KAZN: variants seen among roughly 807,000 people sequenced by gnomAD.
KAZN encodes kazrin, periplakin interacting protein.
Under a neutral mutation model 87.4 loss-of-function variants are expected in KAZN, and 40 were observed. The observed-to-expected ratio is 0.46, with a 90% confidence interval of 0.36 to 0.60. KAZN has a LOEUF of 0.60. Ranked by LOEUF, KAZN falls within the 20% of genes least tolerant of loss-of-function variation. The pLI is 0.00. For missense variants in KAZN, 898 were observed against 1,073.9 expected (o/e 0.84, Z 2.29); for synonymous variants, 466 against 458.3 (o/e 1.02, Z -0.22).
Position 15,094,418 on chromosome 1 carries a change from C to A in KAZN, c.1428+33C>A. The A allele has an allele frequency of 6.3e-7, 1 of 1,576,476 alleles. No homozygotes were observed. Among genetic ancestry groups the A allele is most frequent in the Non-Finnish European group, 8.6e-7 (1 of 1,156,446 alleles). On this transcript the variant is annotated intron_variant, in intron 9 of 14. Transcript: ENST00000376030. This position sits in a 1 kb window ranked among gnomAD's most constrained non-coding sequence, Gnocchi z 4.5. ...ACTCCGGGCCCCCTATGGGATGCCACCCATGCCCTCTGTGAGCTTTACGTA... is the reference window on the plus strand; with the variant it reads ...ACTCCGGGCCCCCTATGGGATGCCAACCATGCCCTCTGTGAGCTTTACGTA...
chr1:14,400,602 G>T (rs1275848383), intron 2 of KAZN, among the ~76,000 whole-genome samples: 1 of 152,226 alleles, frequency 6.6e-6, no homozygotes, highest in Non-Finnish European at 1.5e-5. Context: ...CTATGCCAGG[G>T]ACTGCAACAG....
At chr1:14,569,250 A>T (rs1005808895) in intron 2 of KAZN, among the ~76,000 whole-genome samples, 4 of 151,586 alleles carry the variant, frequency 2.6e-5, no homozygotes, top group Non-Finnish European at 2.9e-5. Flanking sequence ...CCATACAAAA[A>T]TGTCTTGATG....
At chr1:15,033,364 A>G (rs1671928142) in intron 2 of KAZN, among the ~76,000 whole-genome samples, 1 of 152,246 alleles carries the variant, frequency 6.6e-6, no homozygotes, top group Admixed American at 6.5e-5. Flanking sequence ...GCTCTGATGA[A>G]TAATGCTATA....
At chr1:14,635,183 A>T (rs751797874) in intron 1 of KAZN, among the ~76,000 whole-genome samples, 3 of 152,154 alleles carry the variant, frequency 2.0e-5, no homozygotes, top group Non-Finnish European at 2.9e-5. Flanking sequence ...GGTGGAATGG[A>T]TTAGGGAGGT....
intron 1 of KAZN, among the ~76,000 whole-genome samples, chr1:14,729,705 T>C (rs1454619425): frequency 2.6e-5 from 4 of 152,110 alleles, no homozygotes; most frequent in African/African-American, 9.7e-5. Flanking sequence ...AAATGGAGAA[T>C]GAGAGAAAAA....
intron 1 of KAZN, among the ~76,000 whole-genome samples, chr1:14,101,434 A>G (rs927822825): frequency 5.3e-5 from 8 of 152,252 alleles, no homozygotes; most frequent in Non-Finnish European, 1.2e-4. Context: ...GTGATAAAAC[A>G]GCAATAAAGT....
chr1:15,069,309 T>C (rs1402965556), intron 8 of KAZN, among the ~76,000 whole-genome samples: 1 of 152,138 alleles, frequency 6.6e-6, no homozygotes, highest in Non-Finnish European at 1.5e-5. Context: ...CATACAAGGA[T>C]AAAGCCTTTT....
intron 2 of KAZN, among the ~76,000 whole-genome samples, chr1:14,559,779 T>C (rs1440078598): frequency 6.6e-6 from 1 of 152,142 alleles, no homozygotes; most frequent in Non-Finnish European, 1.5e-5. Context: ...TCAAAAGACC[T>C]GAAACCAAGT....
At chr1:14,993,555 C>A (rs1403227163) in intron 2 of KAZN, among the ~76,000 whole-genome samples, 2 of 152,176 alleles carry the variant, frequency 1.3e-5, no homozygotes, top group African/African-American at 2.4e-5. Context: ...GTCTGCAGAC[C>A]TGGTCCCAGC....
At chr1:14,623,125 T>C (rs1678845622) in intron 1 of KAZN, among the ~76,000 whole-genome samples, 1 of 152,200 alleles carries the variant, frequency 6.6e-6, no homozygotes, top group Admixed American at 6.5e-5. Context: ...TATATTGGTA[T>C]ATACCCAAAG....
At chr1:14,660,481 G>A (rs903096374) in intron 1 of KAZN, among the ~76,000 whole-genome samples, 1 of 150,960 alleles carries the variant, frequency 6.6e-6, no homozygotes, top group Admixed American at 6.6e-5. Flanking sequence ...TGCACCCATC[G>A]GAGTTCTTAA....
intron 1 of KAZN, among the ~76,000 whole-genome samples, chr1:14,666,967 G>A (rs1487671433): frequency 1.3e-5 from 2 of 152,068 alleles, no homozygotes; most frequent in Admixed American, 6.6e-5. Flanking sequence ...ATCTCTTGAC[G>A]TCGTGATCCG....
intron 1 of KAZN, among the ~76,000 whole-genome samples, chr1:14,666,799 A>T (rs1353412116): frequency 6.6e-6 from 1 of 152,060 alleles, no homozygotes; most frequent in South Asian, 2.1e-4. Context: ...GTGCAGTGGC[A>T]TGGTCTTGAC....
At chr1:14,431,778 T>G (rs1341699915) in intron 2 of KAZN, among the ~76,000 whole-genome samples, 1 of 152,206 alleles carries the variant, frequency 6.6e-6, no homozygotes. Flanking sequence ...CTTGCACCAG[T>G]GGCCTCCAGG....
intron 2 of KAZN, among the ~76,000 whole-genome samples, chr1:14,394,995 A>G (rs1362592614): frequency 6.6e-6 from 1 of 152,166 alleles, no homozygotes; most frequent in African/African-American, 2.4e-5. Flanking sequence ...CTTTGAAGGC[A>G]AAGACTGCCT....
intron 2 of KAZN, among the ~76,000 whole-genome samples, chr1:14,275,476 G>C (rs1652278386): frequency 6.9e-6 from 1 of 144,836 alleles, no homozygotes; most frequent in African/African-American, 2.5e-5. Flanking sequence ...GTGTGTGTGT[G>C]TGTGTGTGTG....
chr1:14,403,304 A>G (rs1002885396), intron 2 of KAZN, among the ~76,000 whole-genome samples: 1 of 152,226 alleles, frequency 6.6e-6, no homozygotes, highest in Non-Finnish European at 1.5e-5. Context: ...ATCAAAACCT[A>G]GATGCAAAAA....
At chr1:14,332,886 T>C (rs1292962647) in intron 2 of KAZN, among the ~76,000 whole-genome samples, 1 of 152,202 alleles carries the variant, frequency 6.6e-6, no homozygotes, top group Non-Finnish European at 1.5e-5. Context: ...TTGTTGTTTT[T>C]TCTTTTTAAG....
intron 1 of KAZN, among the ~76,000 whole-genome samples, chr1:13,962,757 G>A (rs186742215): frequency 3.9e-5 from 6 of 152,148 alleles, no homozygotes; most frequent in Non-Finnish European, 7.4e-5. Context: ...AGTGTTTCAC[G>A]GTGTTGGCCA....
Sources: allele counts gnomAD v4.1 joint callset (sites outside exome capture counted in the v4.1 genomes callset), GRCh38; gene constraint gnomAD v4.1.1; non-coding constraint Gnocchi (gnomAD v3.1); transcripts MANE v1.5; gene names NCBI Gene and HGNC (gene_info 2026-07-23, HGNC 2026-07-21).